Variants in PCDHA2 observed in about 807,000 individuals in gnomAD.
PCDHA2 encodes protocadherin alpha-2.
A neutral mutation model predicts 66.0 loss-of-function variants in PCDHA2; 58 were observed. The observed-to-expected ratio is 0.88, with a 90% confidence interval of 0.71 to 1.09. The LOEUF (loss-of-function observed/expected upper bound fraction) is 1.09. Among genes scored for constraint, PCDHA2 ranks in the 50% least tolerant of loss-of-function variants. The probability of loss-of-function intolerance (pLI) is 0.00; values close to 1 mark genes in which losing one functional copy is unlikely to be tolerated. For missense variants in PCDHA2, 1,267 were observed against 1,242.3 expected (o/e 1.02, Z -0.30); for synonymous variants, 634 against 554.0 (o/e 1.14, Z -2.03).
chr5:140,869,939 A>T (rs377186222), intron 1 of PCDHA2: 5 of 1,612,014 alleles, frequency 3.1e-6, no homozygotes, highest in Non-Finnish European at 4.2e-6. Flanking sequence ...GAGGTAACAT[A>T]CTCCTTAATG....
Position 140,876,608 on chromosome 5 carries a change from C to T in PCDHA2, c.2388+79256C>T, listed in dbSNP as rs1267902187. On this transcript the variant is annotated intron_variant, in intron 1 of 3. Transcript: ENST00000526136. ...CTGATTAGCGTGTCGGATCGTGACT[C>T]TGGAGCCAATGGACAGGTCATCTGC... The T allele has an allele frequency of 5.0e-6, 8 of 1,614,070 alleles. No individual in the cohort carries two copies. The highest frequency in any genetic ancestry group is 5.9e-6 in the Non-Finnish European group (7 of 1,180,040).
intron 1 of PCDHA2, chr5:140,857,508 C>A: frequency 6.3e-7 from 1 of 1,598,226 alleles, no homozygotes; most frequent in African/African-American, 1.3e-5. Flanking sequence ...CAGGAGAACG[C>A]CCTGGTGTCC....
Position 140,804,963 on chromosome 5 carries a change from C to A in PCDHA2, c.2388+7611C>A, listed in dbSNP as rs371131185. The A allele has an allele frequency of 1.8e-4, 252 of 1,439,372 alleles. 1 individual carries two copies. In the East Asian group the frequency reaches 2.1e-3, roughly 12 times the overall value. The allele number at this position is 1,439,372 out of a possible 1,614,324, so 89.2% of individuals were successfully genotyped here. A position where few individuals can be genotyped will look rare whatever the true frequency, so the allele number is the denominator to read the frequency against. On this transcript the variant is annotated intron_variant, in intron 1 of 3. Transcript: ENST00000526136. ...TGCTCCCTTGTCCATGAAGTAGTAG[C>A]CATAGTGTGTCCATCTCAGGTCAGT...
rs782681638 is a variant in PCDHA2 at position 140,795,012 on chromosome 5, C to T, written c.48C>T (p.Leu16=). 1.9e-6 allele frequency: 3 copies of T among 1,613,756 alleles called. No individual in the cohort carries two copies. Among genetic ancestry groups the T allele is most frequent in the East Asian group, 2.2e-5 (1 of 44,882 alleles). The change falls in exon 1 of 4, where the codon CTC becomes CTT. Residue 16 remains leucine (L), a synonymous_variant. Coordinates refer to ENST00000526136, the MANE Select transcript of PCDHA2 (RefSeq NM_018905.3). ...GCCGAGGGGCCTGGACACGGCTGCT[C>T]TCGCTTCTGCTCCTCGCAGCCTGGG... The part of the protein sequence containing the change: ...RRGRGAWTRL[L]SLLLLAAWEV...
intron 1 of PCDHA2, chr5:140,926,735 G>A (rs2083511846): frequency 1.1e-5 from 12 of 1,140,634 alleles, no homozygotes; most frequent in African/African-American, 1.6e-5. Context: ...GCGTTCGGGA[G>A]GCGCAACGTC....
Position 140,870,153 on chromosome 5 carries a change from C to T in PCDHA2, c.2388+72801C>T, listed in dbSNP as rs537593818. 3.1e-6 allele frequency: 5 copies of T among 1,613,972 alleles called. No individual in the cohort carries two copies. The East Asian group carries it at 8.9e-5, about 29-fold the overall frequency. On this transcript the variant is annotated intron_variant, in intron 1 of 3. Transcript: ENST00000526136. ...CCAACGATAACTCTCCTGAAGTCGC[C>T]GTGACTTCCTTGTCCCTCCCAGTAC...
At chr5:140,928,712 G>T in intron 1 of PCDHA2, 2 of 1,614,168 alleles carry the variant, frequency 1.2e-6, no homozygotes, top group Non-Finnish European at 1.7e-6. Flanking sequence ...TCTGACTCTA[G>T]TCTCTTTAGA....
chr5:140,887,781 T>C (rs2061576427), intron 1 of PCDHA2, among the ~76,000 whole-genome samples: 2 of 152,338 alleles, frequency 1.3e-5, no homozygotes, highest in African/African-American at 4.8e-5. Flanking sequence ...ACACAGGTCA[T>C]TGAAGCGTTC....
rs538322622 is a variant in PCDHA2 at position 140,884,083 on chromosome 5, G to T, written c.2388+86731G>T. 35 of 1,613,596 alleles carry T rather than the reference G, an allele frequency of 2.2e-5. No individual in the cohort carries two copies. The South Asian group carries it at 3.6e-4, about 17-fold the overall frequency. On this transcript the variant is annotated intron_variant, in intron 1 of 3. Coordinates refer to ENST00000526136, the MANE Select transcript of PCDHA2 (RefSeq NM_018905.3). The stretch of plus-strand genomic sequence containing the variant: ...TGGACGCCGATTCGGGCTACAATGC[G>T]TGGCTTTCGTATGAATTGCAGCTGG...
chr5:140,882,218 G>A, intron 1 of PCDHA2: 5 of 1,545,760 alleles, frequency 3.2e-6, no homozygotes, highest in Non-Finnish European at 4.4e-6. Flanking sequence ...GACAGTTTGA[G>A]GTAAGGCGTT....
chr5:140,907,554 A>G (rs1554193052), intron 1 of PCDHA2, among the ~76,000 whole-genome samples: 2 of 152,224 alleles, frequency 1.3e-5, no homozygotes, highest in African/African-American at 2.4e-5. Context: ...AAGAGGTCCA[A>G]TATAATCAAC....
intron 1 of PCDHA2, chr5:140,808,701 C>G (rs1764239341): frequency 5.6e-6 from 9 of 1,612,090 alleles, no homozygotes; most frequent in South Asian, 4.4e-5. Flanking sequence ...CGCGCGCTGT[C>G]GAGCTACGTT....
rs1274071202 is a variant in PCDHA2, at chr5:140,805,271, A to G, written c.2388+7919A>G. Reference sequence around the variant, plus strand: ...ATTAAAATACCTGGTAAATGAAAATATTACAAATGAAATGGGTGAAAATGG... The same window carrying G: ...ATTAAAATACCTGGTAAATGAAAATGTTACAAATGAAATGGGTGAAAATGG... On this transcript the variant is annotated intron_variant, in intron 1 of 3. Transcript: ENST00000526136. 2.3e-6 allele frequency: 3 copies of G among 1,284,020 alleles called. No homozygotes were observed. The African/African-American group carries it at 4.6e-5, about 20-fold the overall frequency. 79.5% of individuals were successfully genotyped at this position (1,284,020 alleles called of 1,614,324 possible). A position where few individuals can be genotyped will look rare whatever the true frequency, so the allele number is the denominator to read the frequency against.
intron 1 of PCDHA2, among the ~76,000 whole-genome samples, chr5:140,888,414 T>C (rs530730994): frequency 2.6e-5 from 4 of 152,170 alleles, no homozygotes; most frequent in Non-Finnish European, 5.9e-5. Context: ...CTGCCAAACA[T>C]CCTACCGTGC....
At chr5:140,926,470 G>C (rs1244984672) in intron 1 of PCDHA2, 1 of 162,858 alleles carries the variant, frequency 6.1e-6, no homozygotes. Flanking sequence ...AGAAAACACC[G>C]TTTAAGGAGA....
chr5:140,858,459 TC>T, intron 1 of PCDHA2: 5 of 1,527,032 alleles, frequency 3.3e-6, no homozygotes, highest in Non-Finnish European at 4.4e-6. Context: ...GTTTTCATTT[TC>T]CTTTTGTGCT....
intron 1 of PCDHA2, among the ~76,000 whole-genome samples, chr5:140,799,585 T>C (rs1404087746): frequency 3.3e-5 from 5 of 152,070 alleles, no homozygotes; most frequent in Non-Finnish European, 4.4e-5. Context: ...TATTAACAAA[T>C]ATCATTAACT....
At chr5:140,877,048 G>A (rs376952553) in intron 1 of PCDHA2, 2 of 1,612,558 alleles carry the variant, frequency 1.2e-6, no homozygotes, top group East Asian at 2.2e-5. Flanking sequence ...GCTAGACCAC[G>A]AGGAGCTGGA....
intron 1 of PCDHA2, chr5:140,868,381 A>C (rs1554161945): frequency 2.0e-5 from 3 of 152,316 alleles, no homozygotes; most frequent in Non-Finnish European, 4.4e-5. Flanking sequence ...GTAAAGAATG[A>C]GAACTATAGA....
Sources: allele counts gnomAD v4.1 joint callset (sites outside exome capture counted in the v4.1 genomes callset), GRCh38; gene constraint gnomAD v4.1.1; transcripts MANE v1.5; gene names NCBI Gene and HGNC (gene_info 2026-07-23, HGNC 2026-07-21).